Variants in PRSS55 observed in about 807,000 individuals in gnomAD.
PRSS55 encodes the protein probable serine protease UNQ9391/PRO34284.
Under a neutral mutation model 23.6 loss-of-function variants are expected in PRSS55, and 41 were observed. The ratio of observed to expected loss-of-function variants is 1.74; its 90% CI spans 1.35 to 2.26. The LOEUF is 2.26. PRSS55 is among the 30% of genes most tolerant of loss of function. The probability of loss-of-function intolerance (pLI) is 0.00; values close to 1 mark genes in which losing one functional copy is unlikely to be tolerated. For synonymous variants in PRSS55, 262 were observed against 175.5 expected (o/e 1.49, Z -3.90); for missense variants, 669 against 439.1 (o/e 1.52, Z -4.68).
intron 4 of PRSS55, chr8:10,545,003 C>G (rs752729827): frequency 7.1e-5 from 70 of 984,996 alleles, no homozygotes; most frequent in Non-Finnish European, 8.1e-5. Context: ...CTCTGTTGAC[C>G]CAGCCTCAAC....
intron 1 of PRSS55, among the ~76,000 whole-genome samples, chr8:10,527,414 C>A (rs1177420143): frequency 6.6e-6 from 1 of 152,240 alleles, no homozygotes; most frequent in African/African-American, 2.4e-5. Flanking sequence ...CTGGAGCTTA[C>A]ATTCTGGTAC....
chr8:10,552,427 G>C (rs1452339248), intron 4 of PRSS55, among the ~76,000 whole-genome samples: 4 of 152,186 alleles, frequency 2.6e-5, no homozygotes, highest in Non-Finnish European at 2.9e-5. Flanking sequence ...GACAAATGGG[G>C]TTGCACTAAA....
intron 4 of PRSS55, among the ~76,000 whole-genome samples, chr8:10,536,043 G>C (rs367634140): frequency 6.6e-6 from 1 of 152,076 alleles, no homozygotes; most frequent in Non-Finnish European, 1.5e-5. Context: ...AAAATTAGCC[G>C]GGCGTGGTGG....
intron 4 of PRSS55, among the ~76,000 whole-genome samples, chr8:10,536,565 A>T (rs12549899): frequency 6.6e-6 from 1 of 152,074 alleles, no homozygotes; most frequent in African/African-American, 2.4e-5. Flanking sequence ...ACATGCATGC[A>T]TATGTTCGTC....
At chr8:10,529,411 C>T in intron 1 of PRSS55, 96 bp from the exon 2 acceptor site, 4 of 1,262,800 alleles carry the variant, frequency 3.2e-6, no homozygotes, top group Non-Finnish European at 3.5e-6. Context: ...AGGATATCCA[C>T]TTGGAAGCCT....
intron 4 of PRSS55, among the ~76,000 whole-genome samples, chr8:10,545,494 A>C (rs1012504830): frequency 6.6e-6 from 1 of 152,130 alleles, no homozygotes; most frequent in African/African-American, 2.4e-5. Flanking sequence ...CTCCATTTCT[A>C]TGCTTATCTC....
chr8:10,539,394 A>G (rs1812578702), downstream of PRSS55, among the ~76,000 whole-genome samples: 1 of 152,232 alleles, frequency 6.6e-6, no homozygotes, highest in African/African-American at 2.4e-5. Context: ...CAGCCTTCAC[A>G]TGGTGTTTTA....
At chr8:10,545,850 G>T (rs898863813) in intron 4 of PRSS55, among the ~76,000 whole-genome samples, 7 of 152,234 alleles carry the variant, frequency 4.6e-5, no homozygotes, top group African/African-American at 1.7e-4. Context: ...TTAATTCTGA[G>T]TTCTGCATTT....
chr8:10,531,609 G>C, intron 3 of PRSS55, 64 bp downstream of exon 3: 5 of 1,583,244 alleles, frequency 3.2e-6, no homozygotes, highest in Non-Finnish European at 3.4e-6. Flanking sequence ...AGGGGAGGAA[G>C]CTAAGGAAGG....
chr8:10,534,326 T>C (rs549126248), intron 4 of PRSS55, among the ~76,000 whole-genome samples: 127 of 152,322 alleles, frequency 8.3e-4, no homozygotes, highest in African/African-American at 2.8e-3. Flanking sequence ...TTTATAGTGA[T>C]GCAAGAACGC....
In PRSS55 at chr8:10,525,546, G is replaced by A. The variant is rs772072890; in HGVS notation, c.-40G>A. 1 of 1,598,202 alleles carries A rather than the reference G, an allele frequency of 6.3e-7. No individual in the cohort carries two copies. On this transcript the variant is annotated 5_prime_UTR_variant, in exon 1 of 5. Coordinates refer to ENST00000328655, the MANE Select transcript of PRSS55 (RefSeq NM_198464.4). ...CTCTCAGCCTCACTGCCTCAGCCCTGGCCTCTGTCACCCCCGGGCCCACAG... is the reference window on the plus strand; with the variant it reads ...CTCTCAGCCTCACTGCCTCAGCCCTAGCCTCTGTCACCCCCGGGCCCACAG...
intron 4 of PRSS55, among the ~76,000 whole-genome samples, chr8:10,553,757 G>T (rs913906481): frequency 6.6e-6 from 1 of 152,126 alleles, no homozygotes; most frequent in African/African-American, 2.4e-5. Context: ...ATTATAGACC[G>T]GAAAATTGCT....
chr8:10,537,545 A>G (rs923258577), intron 4 of PRSS55, among the ~76,000 whole-genome samples: 72 of 150,700 alleles, frequency 4.8e-4, no homozygotes, highest in African/African-American at 1.3e-3. Context: ...GTAGCACAAT[A>G]AAGTGATTAT....
intron 3 of PRSS55, 76 bp from the exon 4 acceptor site, chr8:10,532,830 G>A: frequency 6.3e-7 from 1 of 1,584,262 alleles, no homozygotes. Flanking sequence ...CAGGGCCGAG[G>A]GCACAGTCAG....
intron 4 of PRSS55, among the ~76,000 whole-genome samples, chr8:10,548,153 G>T (rs1389933525): frequency 1.3e-5 from 2 of 152,232 alleles, no homozygotes; most frequent in Non-Finnish European, 2.9e-5. Flanking sequence ...GCTTCCTTAG[G>T]GAGCTGGGGC....
chr8:10,549,591 T>G (rs752451930), intron 4 of PRSS55, among the ~76,000 whole-genome samples: 15 of 152,136 alleles, frequency 9.9e-5, no homozygotes, highest in Non-Finnish European at 2.1e-4. Flanking sequence ...AGACCCTGGT[T>G]CTAAGATGCG....
At chr8:10,546,344 C>T (rs1452081462) in intron 4 of PRSS55, among the ~76,000 whole-genome samples, 1 of 152,188 alleles carries the variant, frequency 6.6e-6, no homozygotes, top group African/African-American at 2.4e-5. Context: ...CCGCATGACC[C>T]CAGGGTTGCC....
downstream of PRSS55, among the ~76,000 whole-genome samples, chr8:10,542,182 T>A (rs551747469): frequency 1.3e-5 from 2 of 152,278 alleles, no homozygotes; most frequent in East Asian, 3.9e-4. Flanking sequence ...ATCATGTGTG[T>A]CCCAAGAGAG....
chr8:10,543,411 TTC>T (rs367624375), downstream of PRSS55, among the ~76,000 whole-genome samples: 42,545 of 111,306 alleles, frequency 0.38, 7,642 homozygotes, highest in South Asian at 0.47. Flanking sequence ...CTTTCTTTCT[TTC>T]TTCTTTCTTT....
Sources: gnomAD v4.1 joint callset for allele counts (sites outside exome capture counted in the v4.1 genomes callset) on GRCh38, gnomAD v4.1.1 for gene constraint, MANE v1.5 for transcripts, NCBI Gene and HGNC (gene_info 2026-07-23, HGNC 2026-07-21) for gene names.